Variants in DTNA observed in about 807,000 individuals in gnomAD.
DTNA encodes the protein dystrobrevin alpha, also known as dystrophin-related protein 3.
Under a neutral mutation model 100.7 loss-of-function variants are expected in DTNA, and 43 were observed. That is an observed-to-expected ratio of 0.43 (90% confidence interval 0.33 to 0.55). The LOEUF (loss-of-function observed/expected upper bound fraction) is 0.55, where lower values mean the gene tolerates loss of function less well. DTNA is among the 20% of genes least tolerant of loss of function. The probability of loss-of-function intolerance (pLI) is 0.04; values close to 1 mark genes in which losing one functional copy is unlikely to be tolerated. For synonymous variants in DTNA, 349 were observed against 347.9 expected (o/e 1.00, Z -0.04); for missense variants, 798 against 953.9 (o/e 0.84, Z 2.15).
At chr18:34,528,012 G>A (rs537610107) in intron 1 of DTNA, among the ~76,000 whole-genome samples, 1 of 152,162 alleles carries the variant, frequency 6.6e-6, no homozygotes, top group African/African-American at 2.4e-5. Context: ...ACACAGGAAT[G>A]TTAATATACC....
At chr18:34,529,120 A>C (rs2042912523) in intron 1 of DTNA, among the ~76,000 whole-genome samples, 1 of 152,152 alleles carries the variant, frequency 6.6e-6, no homozygotes, top group Admixed American at 6.6e-5. Context: ...GACGTAAAGG[A>C]TATAAGAGAC....
chr18:34,646,653 T>G (rs1265578762), intron 1 of DTNA, among the ~76,000 whole-genome samples: 1 of 152,222 alleles, frequency 6.6e-6, no homozygotes, highest in Non-Finnish European at 1.5e-5. Flanking sequence ...AAATGATTTA[T>G]TCTTCTTTAC....
chr18:34,529,538 A>G (rs142906091), intron 1 of DTNA, among the ~76,000 whole-genome samples: 275 of 152,280 alleles, frequency 1.8e-3, no homozygotes, highest in Middle Eastern at 6.8e-3. Flanking sequence ...CACAATTCAC[A>G]GTGTCCATAA....
At chr18:34,565,651 T>A (rs2047018933) in intron 1 of DTNA, among the ~76,000 whole-genome samples, 1 of 152,224 alleles carries the variant, frequency 6.6e-6, no homozygotes, top group African/African-American at 2.4e-5. Flanking sequence ...TGCCTTCCTC[T>A]ACATGACTTT....
At chr18:34,747,194 G>T (rs995191933) in intron 1 of DTNA, among the ~76,000 whole-genome samples, 1 of 151,450 alleles carries the variant, frequency 6.6e-6, no homozygotes, top group African/African-American at 2.4e-5. Flanking sequence ...TTTTAAGGTG[G>T]GTCTTAAGTT....
At chr18:34,747,927 C>G (rs767651767) in intron 1 of DTNA, among the ~76,000 whole-genome samples, 1 of 152,156 alleles carries the variant, frequency 6.6e-6, no homozygotes, top group Admixed American at 6.6e-5. Flanking sequence ...ACATTCCCAG[C>G]AGCAGTGTAA....
chr18:34,707,417 A>G (rs975758733), upstream of DTNA, among the ~76,000 whole-genome samples: 2 of 152,192 alleles, frequency 1.3e-5, no homozygotes, highest in African/African-American at 4.8e-5. Flanking sequence ...AACATTTGCA[A>G]AAGGGGATTT....
At position 34,875,241 on chromosome 18, in the gene DTNA, T is replaced by C. The variant is rs923338592; in HGVS notation, c.1746T>C (p.Thr582=). 1 of 1,613,908 alleles carries C rather than the reference T, an allele frequency of 6.2e-7. No individual in the cohort carries two copies. The part of the protein sequence containing the change: ...QLEGLMKLLK[T]QGAGSPRSSP... ...AATGACCTGCATTGTCTCTCCAGAC[T>C]CAGGGGGCAGGCTCTCCCCGCTCCT... Residue 582 remains threonine, a splice_region_variant and synonymous_variant, in exon 18 of 23, where the codon ACT becomes ACC. Transcript: ENST00000444659.
chr18:34,855,809 A>T (rs1603256769), intron 15 of DTNA, among the ~76,000 whole-genome samples: 1 of 152,064 alleles, frequency 6.6e-6, no homozygotes, highest in South Asian at 2.1e-4. Flanking sequence ...TAATTAACCT[A>T]CTCTTCCACT....
intron 2 of DTNA, among the ~76,000 whole-genome samples, chr18:34,756,590 A>T (rs191687102): frequency 1.9e-3 from 282 of 152,306 alleles, no homozygotes; most frequent in African/African-American, 6.3e-3. Flanking sequence ...TGGTTTTTTT[A>T]AAAATACTAA....
chr18:34,770,981 C>T (rs894376002), intron 3 of DTNA, among the ~76,000 whole-genome samples: 3 of 151,904 alleles, frequency 2.0e-5, no homozygotes, highest in Middle Eastern at 3.2e-3. Context: ...AGGGTTTCAC[C>T]AGGTTGGCCA....
chr18:34,854,150 A>G (rs893640514), intron 15 of DTNA, among the ~76,000 whole-genome samples: 59 of 152,300 alleles, frequency 3.9e-4, no homozygotes, highest in African/African-American at 1.4e-3. Flanking sequence ...AATGGGGAGT[A>G]GGAGAATGGA....
intron 13 of DTNA, among the ~76,000 whole-genome samples, chr18:34,845,936 C>T (rs2096369411): frequency 6.6e-6 from 1 of 152,104 alleles, no homozygotes; most frequent in Non-Finnish European, 1.5e-5. Flanking sequence ...AATTTTCTGT[C>T]TTAAGGGAAT....
chr18:34,646,847 C>G (rs773430279), intron 1 of DTNA, among the ~76,000 whole-genome samples: 8 of 152,084 alleles, frequency 5.3e-5, no homozygotes, highest in Non-Finnish European at 1.2e-4. Context: ...TCCTGAGTCA[C>G]TGGGATTACA....
At chr18:34,590,921 T>C (rs1466341009) in intron 1 of DTNA, among the ~76,000 whole-genome samples, 3 of 152,194 alleles carry the variant, frequency 2.0e-5, no homozygotes, top group Non-Finnish European at 4.4e-5. Flanking sequence ...AATGTTCCTA[T>C]TCCCGTTGTT....
chr18:34,747,255 A>G (rs2091752482), intron 1 of DTNA, among the ~76,000 whole-genome samples: 1 of 152,172 alleles, frequency 6.6e-6, no homozygotes, highest in South Asian at 2.1e-4. Context: ...ATGTTGTACA[A>G]GTAAGTTCAT....
intron 1 of DTNA, among the ~76,000 whole-genome samples, chr18:34,501,452 G>A (rs1350294491): frequency 2.0e-5 from 3 of 152,144 alleles, no homozygotes; most frequent in African/African-American, 7.2e-5. Flanking sequence ...TTTGGTATTA[G>A]TATCAGGATA....
chr18:34,635,897 CT>C (rs763403102), intron 1 of DTNA, among the ~76,000 whole-genome samples: 11 of 151,044 alleles, frequency 7.3e-5, no homozygotes, highest in Admixed American at 2.6e-4. Context: ...CAGCTTAATT[CT>C]TTTTTTTCAA....
intron 1 of DTNA, among the ~76,000 whole-genome samples, chr18:34,609,825 T>G (rs1159306545): frequency 6.6e-6 from 1 of 152,220 alleles, no homozygotes; most frequent in African/African-American, 2.4e-5. Flanking sequence ...CACTGTCTTG[T>G]ATGTTTTAAC....
Sources: gnomAD v4.1 joint callset for allele counts (sites outside exome capture counted in the v4.1 genomes callset) on GRCh38, gnomAD v4.1.1 for gene constraint, MANE v1.5 for transcripts, NCBI Gene and HGNC (gene_info 2026-07-23, HGNC 2026-07-21) for gene names.